GRM7: variants seen among roughly 807,000 people sequenced by gnomAD.
GRM7 encodes the protein glutamate metabotropic receptor 7.
A neutral mutation model predicts 84.5 loss-of-function variants in GRM7; 35 were observed. The observed-to-expected ratio is 0.41, with a 90% CI of 0.32 to 0.55. The LOEUF (loss-of-function observed/expected upper bound fraction) is 0.55. Ranked by LOEUF, GRM7 falls within the 20% of genes least tolerant of loss-of-function variation. The probability of loss-of-function intolerance (pLI) is 0.19; values close to 1 mark genes in which losing one functional copy is unlikely to be tolerated. For synonymous variants in GRM7, 487 were observed against 455.1 expected (o/e 1.07, Z -0.89); for missense variants, 1,003 against 1,194.6 (o/e 0.84, Z 2.36).
chr3:7,239,172 G>A (rs975831025), intron 2 of GRM7, among the ~76,000 whole-genome samples: 7 of 151,530 alleles, frequency 4.6e-5, no homozygotes, highest in African/African-American at 1.7e-4. Context: ...GCTAAATTTT[G>A]CATTTTTTGG....
chr3:7,564,696 C>G (rs943051659), intron 7 of GRM7, among the ~76,000 whole-genome samples: 3 of 152,166 alleles, frequency 2.0e-5, no homozygotes, highest in Admixed American at 2.0e-4. Flanking sequence ...TGCCATGTCT[C>G]AGGCATCATG....
At chr3:7,208,792 G>C (rs1559503301) in intron 2 of GRM7, among the ~76,000 whole-genome samples, 1 of 152,158 alleles carries the variant, frequency 6.6e-6, no homozygotes, top group Non-Finnish European at 1.5e-5. Flanking sequence ...AAGTGTCTGA[G>C]TGTAAGAGCA....
At chr3:7,651,315 C>T (rs1160590897) in intron 8 of GRM7, among the ~76,000 whole-genome samples, 2 of 152,198 alleles carry the variant, frequency 1.3e-5, no homozygotes, top group Non-Finnish European at 1.5e-5. Flanking sequence ...CCAAATGCAT[C>T]CTGTAAGCTT....
At chr3:7,630,718 A>G (rs2125095978) in intron 8 of GRM7, among the ~76,000 whole-genome samples, 1 of 152,314 alleles carries the variant, frequency 6.6e-6, no homozygotes, top group African/African-American at 2.4e-5. Context: ...CACTGTCTCA[A>G]AAACCGTTAA....
At chr3:7,088,991 C>G (rs1005690638) in intron 1 of GRM7, among the ~76,000 whole-genome samples, 1 of 152,188 alleles carries the variant, frequency 6.6e-6, no homozygotes, top group East Asian at 1.9e-4. Context: ...AAGAGAAAAG[C>G]CCAGTTTCTT....
intron 1 of GRM7, among the ~76,000 whole-genome samples, chr3:7,081,550 CA>C (rs757831935): frequency 1.5e-4 from 23 of 152,002 alleles, no homozygotes; most frequent in Non-Finnish European, 1.5e-4. Flanking sequence ...TTAATAACCC[CA>C]CAATGGCCTC....
chr3:7,625,116 T>C (rs1697545348), intron 8 of GRM7, among the ~76,000 whole-genome samples: 1 of 152,180 alleles, frequency 6.6e-6, no homozygotes, highest in East Asian at 1.9e-4. Flanking sequence ...CAATGACTGC[T>C]TAGCTGTGTA....
At chr3:7,250,467 G>A (rs1397210653) in intron 2 of GRM7, among the ~76,000 whole-genome samples, 1 of 151,532 alleles carries the variant, frequency 6.6e-6, no homozygotes, top group African/African-American at 2.4e-5. Context: ...ATATATGTGT[G>A]TGCCTATACA....
intron 9 of GRM7, among the ~76,000 whole-genome samples, chr3:7,724,006 T>C (rs1702038193): frequency 6.6e-6 from 1 of 152,150 alleles, no homozygotes; most frequent in Non-Finnish European, 1.5e-5. Context: ...AGCAACGGAC[T>C]GGCAGTGTGC....
At chr3:7,488,145 C>T (rs567561902) in intron 7 of GRM7, among the ~76,000 whole-genome samples, 3 of 152,068 alleles carry the variant, frequency 2.0e-5, no homozygotes, top group Non-Finnish European at 4.4e-5. Flanking sequence ...GAATATTTAC[C>T]CTATGCCTGT....
intron 9 of GRM7, among the ~76,000 whole-genome samples, chr3:7,701,561 C>A (rs1229073171): frequency 6.6e-6 from 1 of 152,070 alleles, no homozygotes; most frequent in Non-Finnish European, 1.5e-5. Context: ...CCTCGGCCCC[C>A]CAAAGTGCGG....
chr3:7,056,080 A>G (rs965213768), intron 1 of GRM7, among the ~76,000 whole-genome samples: 1 of 152,040 alleles, frequency 6.6e-6, no homozygotes, highest in African/African-American at 2.4e-5. Context: ...TAACACAGGC[A>G]GTAATAAGAT....
intron 5 of GRM7, among the ~76,000 whole-genome samples, chr3:7,426,311 G>A: frequency 6.6e-6 from 1 of 152,068 alleles, no homozygotes; most frequent in South Asian, 2.1e-4. Flanking sequence ...TAGAGACAGG[G>A]TTTCTCTATG....
chr3:7,351,508 G>A (rs1351413790), intron 4 of GRM7, among the ~76,000 whole-genome samples: 2 of 152,050 alleles, frequency 1.3e-5, no homozygotes, highest in East Asian at 1.9e-4. Context: ...AAGGTTGCAT[G>A]CAGCATTGCT....
chr3:7,002,214 C>T (rs1372014767), intron 1 of GRM7, among the ~76,000 whole-genome samples: 4 of 152,102 alleles, frequency 2.6e-5, no homozygotes, highest in South Asian at 2.1e-4. Context: ...TGGTTAGCTA[C>T]GTAGGCTCTG....
chr3:7,722,103 C>T (rs1037370895), intron 9 of GRM7, among the ~76,000 whole-genome samples: 6 of 152,140 alleles, frequency 3.9e-5, no homozygotes, highest in African/African-American at 9.7e-5. Context: ...AACCAAACAA[C>T]GAATTTAGTT....
intron 7 of GRM7, among the ~76,000 whole-genome samples, chr3:7,543,876 T>G (rs1182783594): frequency 2.0e-5 from 3 of 152,206 alleles, no homozygotes; most frequent in African/African-American, 7.2e-5. Context: ...ATCCCCGGGC[T>G]TATACTGACC....
chr3:6,953,378 C>G (rs567646472), intron 1 of GRM7, among the ~76,000 whole-genome samples: 54 of 152,270 alleles, frequency 3.5e-4, no homozygotes, highest in Admixed American at 2.1e-3. Context: ...CCTGACAAGC[C>G]AACATATAGC....
chr3:7,056,341 C>A (rs771901221), intron 1 of GRM7, among the ~76,000 whole-genome samples: 1 of 151,930 alleles, frequency 6.6e-6, no homozygotes, highest in Admixed American at 6.6e-5. Context: ...TGGCCATTAT[C>A]CTCAGGTGCC....
Sources: allele counts gnomAD v4.1 joint callset (sites outside exome capture counted in the v4.1 genomes callset), GRCh38; gene constraint gnomAD v4.1.1; transcripts MANE v1.5; gene names NCBI Gene and HGNC (gene_info 2026-07-23, HGNC 2026-07-21).